The following DPYSL5 variants were observed in gnomAD, a reference collection of about 807,000 sequenced individuals.
DPYSL5 encodes dihydropyrimidinase like 5, also known as dihydropyrimidinase-related protein 5.
In DPYSL5, 9 loss-of-function variants were observed where a neutral mutation model predicts 58.4. The ratio of observed to expected loss-of-function variants is 0.15; its 90% CI spans 0.09 to 0.27. The LOEUF is 0.27. Among genes scored for constraint, DPYSL5 ranks in the 10% least tolerant of loss-of-function variants. The pLI, the probability that DPYSL5 is intolerant of heterozygous loss-of-function variation, is 1.00. For synonymous variants in DPYSL5, 293 were observed against 301.9 expected, an observed-to-expected ratio of 0.97 and a Z score of 0.31; for missense variants, 499 against 770.6, an observed-to-expected ratio of 0.65 and a Z score of 4.17.
intron 1 of DPYSL5, among the ~76,000 whole-genome samples, chr2:26,866,587 T>G (rs1666147457): frequency 6.6e-6 from 1 of 152,084 alleles, no homozygotes; most frequent in Admixed American, 6.5e-5. Context: ...AAAGATAAAG[T>G]TTGAGGTGAT....
In DPYSL5 at chr2:26,944,320, T is replaced by C. The variant is rs956268387; in HGVS notation, c.1441-336T>C. Among the ~76,000 whole-genome samples the C allele has an allele frequency of 1.3e-5, 2 of 152,142 alleles. No homozygotes were observed. The highest frequency in any genetic ancestry group is 2.9e-5 in the Non-Finnish European group (2 of 68,002). On this transcript the variant is annotated intron_variant, in intron 11 of 12. Transcript: ENST00000288699. This position sits in a 1 kb window ranked among gnomAD's most constrained non-coding sequence, Gnocchi z 4.4. ...AAAGAAAAATTTGGTTAAAGTTGAC[T>C]TCCTCAGATGTCTACCTGCTACCTC...
intron 2 of DPYSL5, among the ~76,000 whole-genome samples, chr2:26,914,942 C>A (rs1046197234): frequency 7.9e-5 from 12 of 152,060 alleles, no homozygotes; most frequent in African/African-American, 2.7e-4. Flanking sequence ...TAACCCCATA[C>A]CCCCGGGCTT....
chr2:26,911,602 G>A (rs879612391), intron 2 of DPYSL5, among the ~76,000 whole-genome samples: 3 of 152,156 alleles, frequency 2.0e-5, no homozygotes, highest in African/African-American at 4.8e-5. Flanking sequence ...GGGGAAGAGC[G>A]CATGCTTCCT....
intron 9 of DPYSL5, among the ~76,000 whole-genome samples, chr2:26,941,664 A>G (rs1195402108): frequency 1.3e-5 from 2 of 152,236 alleles, no homozygotes; most frequent in Non-Finnish European, 2.9e-5. Context: ...ACATGAGCAG[A>G]GCTGGTTTTA....
intron 9 of DPYSL5, among the ~76,000 whole-genome samples, chr2:26,941,373 G>A (rs920513462): frequency 3.9e-5 from 6 of 152,288 alleles, no homozygotes; most frequent in Middle Eastern, 3.4e-3. Flanking sequence ...TAAGAACTGG[G>A]ACTTCATTTG....
intron 8 of DPYSL5, among the ~76,000 whole-genome samples, chr2:26,935,154 G>C (rs1665140634): frequency 1.3e-5 from 2 of 151,964 alleles, no homozygotes; most frequent in Non-Finnish European, 2.9e-5. Context: ...CCTTCTGTGG[G>C]TTTCTCCTCC....
chr2:26,945,694 A>C (rs976526936), intron 12 of DPYSL5, among the ~76,000 whole-genome samples: 45 of 152,326 alleles, frequency 3.0e-4, no homozygotes, highest in Middle Eastern at 3.4e-3. Flanking sequence ...CTTCAGGATA[A>C]GCCCAGAGAG....
At chr2:26,909,126 C>T (rs186273171) in intron 2 of DPYSL5, among the ~76,000 whole-genome samples, 10 of 152,300 alleles carry the variant, frequency 6.6e-5, no homozygotes, top group Admixed American at 1.3e-4. Context: ...TCATTGTTCC[C>T]TTGGGTGATT....
rs569138488 is a variant in DPYSL5 at position 26,895,174 on chromosome 2, C to T, written c.-4-3322C>T. Among the ~76,000 whole-genome samples, 5 of 152,318 alleles carry T rather than the reference C, an allele frequency of 3.3e-5. No homozygotes were observed. The East Asian group carries it at 9.6e-4, about 29-fold the overall frequency. ...TGTCTTGGAATCAAGTAGACTGATT[C>T]CTCTGACTTTATTCTTCTTTGTGGA... is the stretch of plus-strand genomic sequence containing the variant. On this transcript the variant is annotated intron_variant, in intron 1 of 12. Coordinates refer to ENST00000288699, the MANE Select transcript of DPYSL5 (RefSeq NM_020134.4).
intron 2 of DPYSL5, among the ~76,000 whole-genome samples, chr2:26,921,856 AG>A (rs1183465315): frequency 6.6e-6 from 1 of 152,110 alleles, no homozygotes; most frequent in African/African-American, 2.4e-5. Flanking sequence ...ACCCCTGAGA[AG>A]TAAGGTGCAG....
At chr2:26,854,023 G>C (rs1379299588) in intron 1 of DPYSL5, among the ~76,000 whole-genome samples, 2 of 151,856 alleles carry the variant, frequency 1.3e-5, no homozygotes, top group African/African-American at 2.4e-5. Flanking sequence ...CTGAGCAACA[G>C]AGCAAGACTC....
At chr2:26,930,942 C>G (rs953093426) in intron 5 of DPYSL5, among the ~76,000 whole-genome samples, 28 of 150,262 alleles carry the variant, frequency 1.9e-4, no homozygotes, top group Admixed American at 8.0e-4. Context: ...CCACTGCACT[C>G]CAGCCTGGGC....
In DPYSL5 at chr2:26,949,099, G is replaced by A. The variant is rs1665566434; in HGVS notation, c.*2104G>A. On this transcript the variant is annotated 3_prime_UTR_variant, in exon 13 of 13. Transcript: ENST00000288699. ...CCCACCTGTGGAGAGGAGGTCTGGG[G>A]TGACATCTATTGTAGATCCCACCTG... The A allele has an allele frequency of 6.6e-6, 1 of 152,178 alleles. No individual in the cohort carries two copies. The highest frequency in any genetic ancestry group is 1.5e-5 in the Non-Finnish European group (1 of 68,032). The allele number at this position is 152,178 out of a possible 1,614,324, so 9.4% of individuals were successfully genotyped here. A position where few individuals can be genotyped will look rare whatever the true frequency, so the allele number is the denominator to read the frequency against.
chr2:26,896,500 C>T (rs189522286), intron 1 of DPYSL5, among the ~76,000 whole-genome samples: 6 of 152,356 alleles, frequency 3.9e-5, no homozygotes, highest in Admixed American at 3.9e-4. Context: ...TACATTCCCA[C>T]CAACAGTGTA....
chr2:26,934,265 C>G lies in DPYSL5; in HGVS notation c.791-313C>G, dbSNP rs1349525318. Among the ~76,000 whole-genome samples the G allele has an allele frequency of 1.3e-5, 2 of 152,224 alleles. No individual in the cohort carries two copies. Among genetic ancestry groups the G allele is most frequent in the African/African-American group, 4.8e-5 (2 of 41,456 alleles). ...CCCTGCATGCCTGTTCACCCACCGT[C>G]AAGCTCCATCTGCCAACAGCACCCT... On this transcript the variant is annotated intron_variant, in intron 7 of 12. Transcript: ENST00000288699. The surrounding 1 kb of genome is among the most constrained non-coding windows in gnomAD (Gnocchi z 4.3).
At chr2:26,894,259 G>A (rs183485263) in intron 1 of DPYSL5, among the ~76,000 whole-genome samples, 198 of 151,902 alleles carry the variant, frequency 1.3e-3, no homozygotes, top group African/African-American at 4.6e-3. Context: ...CACTTCTCAG[G>A]TCCCTGCAGT....
At position 26,924,145 on chromosome 2, in the gene DPYSL5, C is replaced by G. The variant is rs1297448109; in HGVS notation, c.262-742C>G. ...TTCCTGGGGGTTCACTCTATGATTG[C>G]GAGTGAGGCTTTTTAACAATTTCTT... On this transcript the variant is annotated intron_variant, in intron 2 of 12. Transcript: ENST00000288699. This position sits in a 1 kb window ranked among gnomAD's most constrained non-coding sequence, Gnocchi z 4.7. Among the ~76,000 whole-genome samples, 2 of 152,126 alleles carry G rather than the reference C, an allele frequency of 1.3e-5. No individual in the cohort carries two copies. Among genetic ancestry groups the G allele is most frequent in the Non-Finnish European group, 2.9e-5 (2 of 68,024 alleles).
intron 1 of DPYSL5, among the ~76,000 whole-genome samples, chr2:26,892,530 A>T (rs1225466843): frequency 1.3e-5 from 2 of 152,084 alleles, no homozygotes; most frequent in African/African-American, 2.4e-5. Flanking sequence ...TCTTACCTTA[A>T]AGCTGCTTTA....
intron 1 of DPYSL5, among the ~76,000 whole-genome samples, chr2:26,852,343 T>C (rs1436659789): frequency 6.6e-6 from 1 of 152,258 alleles, no homozygotes; most frequent in East Asian, 1.9e-4. Flanking sequence ...CCTTGCTTTT[T>C]TTTATGTGAA....
Sources: allele counts gnomAD v4.1 joint callset (sites outside exome capture counted in the v4.1 genomes callset), GRCh38; gene constraint gnomAD v4.1.1; non-coding constraint Gnocchi (gnomAD v3.1); transcripts MANE v1.5; gene names NCBI Gene and HGNC (gene_info 2026-07-23, HGNC 2026-07-21).